PCDHA1: variants seen among roughly 807,000 people sequenced by gnomAD.
PCDHA1 encodes the protein protocadherin alpha 1.
PCDHA1 carries 42 observed loss-of-function variants against 61.3 expected under a neutral mutation model. The observed-to-expected ratio is 0.69, with a 90% confidence interval of 0.54 to 0.89. PCDHA1 has a LOEUF of 0.89. Among genes scored for constraint, PCDHA1 ranks in the 40% least tolerant of loss-of-function variants. PCDHA1 has a pLI of 0.00. For missense variants in PCDHA1, 1,256 were observed against 1,235.3 expected (o/e 1.02, Z -0.25); for synonymous variants, 610 against 553.8 (o/e 1.10, Z -1.43).
At chr5:140,972,660 ATTTTT>A (rs11350929) in intron 1 of PCDHA1, among the ~76,000 whole-genome samples, 2 of 117,266 alleles carry the variant, frequency 1.7e-5, no homozygotes, top group African/African-American at 3.3e-5. Flanking sequence ...AAGAAACCAA[ATTTTT>A]TTTTTTTTTT....
chr5:140,871,036 C>A (rs781977409), intron 1 of PCDHA1: 2 of 1,613,156 alleles, frequency 1.2e-6, no homozygotes, highest in East Asian at 2.2e-5. Flanking sequence ...GCCGCGCCAC[C>A]GACTTCTAGT....
In PCDHA1 at chr5:141,010,929, T is replaced by G. The variant is rs782088449; in HGVS notation, c.*992T>G. 1 of 153,778 alleles carries G rather than the reference T, an allele frequency of 6.5e-6. No homozygotes were observed. Among genetic ancestry groups the G allele is most frequent in the Non-Finnish European group, 1.5e-5 (1 of 68,048 alleles). 9.5% of individuals were successfully genotyped at this position (153,778 alleles called of 1,614,324 possible). A position where few individuals can be genotyped will look rare whatever the true frequency, so the allele number is the denominator to read the frequency against. ...AAACTCTCCTCAAAAGAGAATTCAG[T>G]CTACAGCCATTTAAATGATCATTGC... On this transcript the variant is annotated 3_prime_UTR_variant, in exon 4 of 4. Transcript: ENST00000504120.
chr5:140,850,615 T>C, intron 1 of PCDHA1: 1 of 1,598,228 alleles, frequency 6.3e-7, no homozygotes, highest in Non-Finnish European at 8.6e-7. Flanking sequence ...ATCTGCGCGG[T>C]GTCTAGCCTG....
At chr5:140,862,923 C>T in intron 1 of PCDHA1, 1 of 546,076 alleles carries the variant, frequency 1.8e-6, no homozygotes, top group South Asian at 1.4e-5. Flanking sequence ...CTTGGGTGGG[C>T]TGGCGGCGCT....
rs2150319932 is a variant in PCDHA1 at position 140,841,641 on chromosome 5, A to T, written c.2394+52957A>T. 4.3e-6 allele frequency: 7 copies of T among 1,613,950 alleles called. No individual in the cohort carries two copies. The highest frequency in any genetic ancestry group is 5.1e-6 in the Non-Finnish European group (6 of 1,179,994). ...AGCGCGGAGTGCAGCATCCACCTGG[A>T]GGTGATCGTGGACAGGCCGCTGCAG... On this transcript the variant is annotated intron_variant, in intron 1 of 3. Coordinates refer to ENST00000504120, the MANE Select transcript of PCDHA1 (RefSeq NM_018900.4).
chr5:140,818,304 T>A (rs1766328440), intron 1 of PCDHA1, among the ~76,000 whole-genome samples: 1 of 152,256 alleles, frequency 6.6e-6, no homozygotes, highest in Non-Finnish European at 1.5e-5. Context: ...CTGACCCATC[T>A]TTTACTTTAG....
intron 1 of PCDHA1, chr5:140,822,564 GA>G: frequency 6.2e-7 from 1 of 1,613,090 alleles, no homozygotes; most frequent in Non-Finnish European, 8.5e-7. Context: ...TTATTAAACT[GA>G]ACGCCTCAGA....
At chr5:140,981,666 C>CT (rs1430989347) in intron 2 of PCDHA1, among the ~76,000 whole-genome samples, 8 of 152,058 alleles carry the variant, frequency 5.3e-5, no homozygotes, top group Non-Finnish European at 1.0e-4. Flanking sequence ...TTCTTCCTTC[C>CT]TTTCTTCCTT....
intron 3 of PCDHA1, among the ~76,000 whole-genome samples, chr5:140,984,674 G>A (rs2097114009): frequency 6.6e-6 from 1 of 152,090 alleles, no homozygotes; most frequent in Non-Finnish European, 1.5e-5. Context: ...AGGTTTTTAG[G>A]ACTCAATATA....
intron 1 of PCDHA1, chr5:140,830,205 G>A: frequency 1.9e-6 from 3 of 1,613,780 alleles, no homozygotes; most frequent in Non-Finnish European, 2.5e-6. Context: ...ATCGCCATCT[G>A]CGCGGTATCC....
In PCDHA1 at chr5:140,788,324, G is replaced by A. The variant is rs562110007; in HGVS notation, c.2034G>A (p.Ala678=). ...SLVESGQAPK[A]SSRASVGVAG... ...TGGAGAGCGGCCAGGCGCCAAAGGCGTCTTCGCGGGCGTCGGTGGGTGTCG... is the reference window on the plus strand; with the variant it reads ...TGGAGAGCGGCCAGGCGCCAAAGGCATCTTCGCGGGCGTCGGTGGGTGTCG... The change falls in exon 1 of 4, where the codon GCG becomes GCA. Residue 678 remains alanine (A), a synonymous_variant. Transcript: ENST00000504120. 1.2e-6 allele frequency: 2 copies of A among 1,613,962 alleles called. No homozygotes were observed. Among genetic ancestry groups the A allele is most frequent in the Non-Finnish European group, 8.5e-7 (1 of 1,179,948 alleles).
intron 1 of PCDHA1, among the ~76,000 whole-genome samples, chr5:140,821,310 C>A (rs1240632273): frequency 6.6e-6 from 1 of 151,998 alleles, no homozygotes; most frequent in African/African-American, 2.4e-5. Flanking sequence ...TAAAATACAC[C>A]AGCACAAATT....
At chr5:140,957,490 G>T (rs921873894) in intron 1 of PCDHA1, among the ~76,000 whole-genome samples, 1 of 152,130 alleles carries the variant, frequency 6.6e-6, no homozygotes, top group South Asian at 2.1e-4. Context: ...CATAGTATAT[G>T]TAGAATTCAG....
intron 1 of PCDHA1, among the ~76,000 whole-genome samples, chr5:140,964,480 C>T (rs2095835890): frequency 6.6e-6 from 1 of 152,122 alleles, no homozygotes; most frequent in Non-Finnish European, 1.5e-5. Flanking sequence ...GATTTTTTCA[C>T]AGTCACAGGT....
chr5:140,860,055 A>C (rs1466399941), intron 1 of PCDHA1: 6 of 151,228 alleles, frequency 4.0e-5, no homozygotes, highest in Admixed American at 3.3e-4. Flanking sequence ...TTGAGAGGCC[A>C]AGGTGGGAGG....
chr5:140,978,974 G>T lies in PCDHA1; in HGVS notation c.2420G>T (p.Arg807Leu). ...GNPRQPNPDW[R>L]YSASLRAGMH... is the part of the protein sequence containing the mutation. ...CCACGACAGCCCAACCCTGACTGGC[G>T]TTACTCTGCCTCCCTGAGAGCAGGC... Residue 807 changes from arginine to leucine, a missense_variant, in exon 2 of 4, where the codon CGT becomes CTT. Arg to Leu is a moderately radical substitution (Grantham distance 102, BLOSUM62 -2). Coordinates refer to ENST00000504120, the MANE Select transcript of PCDHA1 (RefSeq NM_018900.4). 6.2e-7 allele frequency: 1 copy of T among 1,614,130 alleles called. No individual in the cohort carries two copies. Among genetic ancestry groups the T allele is most frequent in the East Asian group, 2.2e-5 (1 of 44,882 alleles).
Position 140,876,739 on chromosome 5 carries a change from C to T in PCDHA1, c.2394+88055C>T, listed in dbSNP as rs782400807. The T allele has an allele frequency of 7.4e-6, 12 of 1,614,126 alleles. No homozygotes were observed. The South Asian group carries it at 1.1e-4, about 15-fold the overall frequency. ...CCGCGAGAGCGTGTCGGCCTATGAG[C>T]TGGTGGTGACTGCGCGGGATGGGGG... On this transcript the variant is annotated intron_variant, in intron 1 of 3. Coordinates refer to ENST00000504120, the MANE Select transcript of PCDHA1 (RefSeq NM_018900.4).
rs183950754 is a variant in PCDHA1, at chr5:140,960,187, T to G, written c.2395-18762T>G. On this transcript the variant is annotated intron_variant, in intron 1 of 3. Coordinates refer to ENST00000504120, the MANE Select transcript of PCDHA1 (RefSeq NM_018900.4). ...CAATTCTTAAGTTAGGGGTTGCATG[T>G]GTAGTGGTCAGATGTTATTTCAGGA... 3.5e-3 allele frequency among the ~76,000 whole-genome samples: 529 copies of G among 152,196 alleles called. 22 individuals are homozygous for G. Among genetic ancestry groups the G allele is most frequent in the Admixed American group, 0.032 (493 of 15,274 alleles).
chr5:140,850,638 C>T (rs2150491842), intron 1 of PCDHA1: 3 of 1,598,668 alleles, frequency 1.9e-6, no homozygotes, highest in Non-Finnish European at 2.6e-6. Context: ...GGTTCTCACG[C>T]TGCTGCTGTA....
Sources: allele counts gnomAD v4.1 joint callset (sites outside exome capture counted in the v4.1 genomes callset), GRCh38; gene constraint gnomAD v4.1.1; transcripts MANE v1.5; gene names NCBI Gene and HGNC (gene_info 2026-07-23, HGNC 2026-07-21).